MSI2: variants seen among roughly 807,000 people sequenced by gnomAD.
The protein encoded by MSI2 is RNA-binding protein Musashi homolog 2.
In MSI2, 17 loss-of-function variants were observed where a neutral mutation model predicts 45.6. That is an observed-to-expected ratio of 0.37 (90% CI 0.26 to 0.56). The LOEUF (loss-of-function observed/expected upper bound fraction) is 0.56, where lower values mean the gene tolerates loss of function less well. Among genes scored for constraint, MSI2 ranks in the 20% least tolerant of loss-of-function variants. The probability of loss-of-function intolerance (pLI) is 0.77; values close to 1 mark genes in which losing one functional copy is unlikely to be tolerated. For synonymous variants in MSI2, 156 were observed against 158.2 expected, an observed-to-expected ratio of 0.99 and a Z score of 0.11; for missense variants, 293 against 444.2, an observed-to-expected ratio of 0.66 and a Z score of 3.06.
In MSI2 at chr17:57,520,542, T is replaced by G. The variant is rs77602954; in HGVS notation, c.406-9134T>G. ...AGGTGTGGGAGCCTTCTGTGAAGAGTTCGAGAAATGTTCTTAATGCCACTG... is the reference window on the plus strand; with the variant it reads ...AGGTGTGGGAGCCTTCTGTGAAGAGGTCGAGAAATGTTCTTAATGCCACTG... On this transcript the variant is annotated intron_variant, in intron 6 of 13. Coordinates refer to ENST00000284073, the MANE Select transcript of MSI2 (RefSeq NM_138962.4). Among the ~76,000 whole-genome samples, 187 of 152,164 alleles carry G rather than the reference T, an allele frequency of 1.2e-3. 1 individual carries two copies. The highest frequency in any genetic ancestry group is 0.01 in the Middle Eastern group (3 of 294).
At position 57,684,145 on chromosome 17, in the gene MSI2, A is replaced by G. The variant is rs1913788337; in HGVS notation, c.*4628A>G. 1 of 218,434 alleles carries G rather than the reference A, an allele frequency of 4.6e-6. No individual in the cohort carries two copies. Among genetic ancestry groups the G allele is most frequent in the Admixed American group, 5.8e-5 (1 of 17,242 alleles). The allele number at this position is 218,434 out of a possible 1,614,324, so 13.5% of individuals were successfully genotyped here. A position where few individuals can be genotyped will look rare whatever the true frequency, so the allele number is the denominator to read the frequency against. ...GGAGGCTGAGAGACAAAAGTTCCAG[A>G]GCCTCCCTCGAAGGTTCTCTACTAC... On this transcript the variant is annotated 3_prime_UTR_variant, in exon 14 of 14. Coordinates refer to ENST00000284073, the MANE Select transcript of MSI2 (RefSeq NM_138962.4).
chr17:57,390,519 G>A (rs1190491439), intron 5 of MSI2, among the ~76,000 whole-genome samples: 1 of 152,194 alleles, frequency 6.6e-6, no homozygotes, highest in Admixed American at 6.5e-5. Context: ...GTCAGTGTGT[G>A]GATTAGGTAA....
intron 10 of MSI2, among the ~76,000 whole-genome samples, chr17:57,647,791 G>A (rs1487964512): frequency 1.3e-5 from 2 of 149,848 alleles, no homozygotes; most frequent in Non-Finnish European, 3.0e-5. Context: ...ACAGACATGC[G>A]CCACCACACC....
chr17:57,538,681 T>G (rs2086975197), intron 7 of MSI2, among the ~76,000 whole-genome samples: 1 of 152,232 alleles, frequency 6.6e-6, no homozygotes, highest in South Asian at 2.1e-4. Context: ...GTTTGAGTTT[T>G]GGGGACCCTA....
chr17:57,342,139 C>T (rs1051526918), intron 5 of MSI2, among the ~76,000 whole-genome samples: 4 of 152,104 alleles, frequency 2.6e-5, no homozygotes, highest in African/African-American at 7.2e-5. Context: ...AGGATGGCCC[C>T]GTAATGAGAA....
chr17:57,302,577 G>T (rs918953294), intron 5 of MSI2, among the ~76,000 whole-genome samples: 5 of 152,294 alleles, frequency 3.3e-5, no homozygotes, highest in Admixed American at 3.3e-4. Flanking sequence ...TGACACAAAT[G>T]GCTGCTTTGG....
chr17:57,632,656 C>T (rs1344946000), intron 10 of MSI2: 1 of 1,066,134 alleles, frequency 9.4e-7, no homozygotes, highest in Admixed American at 5.3e-5. Context: ...TTAGAAGGAT[C>T]TTTTCCCATG....
chr17:57,377,040 C>A (rs1192611756), intron 5 of MSI2, among the ~76,000 whole-genome samples: 3 of 152,024 alleles, frequency 2.0e-5, no homozygotes, highest in Non-Finnish European at 4.4e-5. Flanking sequence ...CCTGCCTCAG[C>A]CTCCCAAGTA....
chr17:57,598,239 A>G (rs961796558), intron 8 of MSI2, among the ~76,000 whole-genome samples: 5 of 152,116 alleles, frequency 3.3e-5, no homozygotes, highest in Admixed American at 1.3e-4. Flanking sequence ...TAACTTTAAT[A>G]TTTTCTTCCT....
chr17:57,652,165 G>A lies in MSI2; in HGVS notation c.790+4G>A, dbSNP rs759597499. On this transcript the variant is annotated splice_donor_region_variant and intron_variant, in intron 11 of 13. Transcript: ENST00000284073. This position sits in a 1 kb window ranked among gnomAD's most constrained non-coding sequence, Gnocchi z 4.1. ...GTGGCGGCAGCAAGAGGATCAGGTAGGAAGGTGTATGGGACAGGCGACTCC... is the reference window on the plus strand; with the variant it reads ...GTGGCGGCAGCAAGAGGATCAGGTAAGAAGGTGTATGGGACAGGCGACTCC... 1 of 1,613,966 alleles carries A rather than the reference G, an allele frequency of 6.2e-7. No homozygotes were observed. The highest frequency in any genetic ancestry group is 1.1e-5 in the South Asian group (1 of 91,068).
chr17:57,587,060 C>G (rs995310367), intron 7 of MSI2, among the ~76,000 whole-genome samples: 6 of 152,074 alleles, frequency 3.9e-5, no homozygotes, highest in Non-Finnish European at 8.8e-5. Flanking sequence ...CCACTGAGAC[C>G]ATGTTAGGAG....
At chr17:57,392,682 A>G (rs2083816452) in intron 5 of MSI2, among the ~76,000 whole-genome samples, 2 of 152,176 alleles carry the variant, frequency 1.3e-5, no homozygotes, top group South Asian at 4.1e-4. Flanking sequence ...AATTTTAGCA[A>G]TCGGCAACGT....
In MSI2 at chr17:57,676,983, T is replaced by G. The variant is rs997916384; in HGVS notation, c.946-4T>G. 1.3e-5 allele frequency: 21 copies of G among 1,606,572 alleles called. No homozygotes were observed. The highest frequency in any genetic ancestry group is 1.7e-5 in the Non-Finnish European group (20 of 1,173,148). On this transcript the variant is annotated splice_region_variant and splice_polypyrimidine_tract_variant and intron_variant, in intron 12 of 13. Coordinates refer to ENST00000284073, the MANE Select transcript of MSI2 (RefSeq NM_138962.4). Reference sequence around the variant, plus strand: ...TGATGACCTTAACAATTGTGCAATTTTAGGGACCTTTGATTGCAACGGCCT... The same window carrying G: ...TGATGACCTTAACAATTGTGCAATTGTAGGGACCTTTGATTGCAACGGCCT...
chr17:57,372,347 C>T (rs987989150), intron 5 of MSI2, among the ~76,000 whole-genome samples: 18 of 152,164 alleles, frequency 1.2e-4, no homozygotes, highest in African/African-American at 4.3e-4. Flanking sequence ...TGAATCAGAA[C>T]TTTCAGTGTA....
At chr17:57,618,211 C>T (rs1880448424) in intron 9 of MSI2, 1 of 151,516 alleles carries the variant, frequency 6.6e-6, no homozygotes, top group Admixed American at 6.6e-5. Flanking sequence ...TTGGTGTCCC[C>T]ACTAAATTTG....
At chr17:57,259,852 C>T (rs1907146751) in intron 4 of MSI2, 1 of 152,208 alleles carries the variant, frequency 6.6e-6, no homozygotes. Context: ...TCTGTGGTGG[C>T]TGGTGGGTCA....
At chr17:57,510,514 G>A (rs113877136) in intron 6 of MSI2, among the ~76,000 whole-genome samples, 19 of 151,828 alleles carry the variant, frequency 1.3e-4, no homozygotes, top group African/African-American at 4.1e-4. Context: ...TGCAACCTCC[G>A]CCTCCCGGGT....
chr17:57,660,088 C>T (rs1911882263), intron 11 of MSI2, among the ~76,000 whole-genome samples: 1 of 152,174 alleles, frequency 6.6e-6, no homozygotes, highest in Non-Finnish European at 1.5e-5. Context: ...CTGGAAGCTC[C>T]ATAGAAGAGT....
chr17:57,445,988 A>G (rs1844516391), intron 6 of MSI2, among the ~76,000 whole-genome samples: 1 of 152,182 alleles, frequency 6.6e-6, no homozygotes, highest in Non-Finnish European at 1.5e-5. Flanking sequence ...GGGGATACAG[A>G]GGTGAGTAAG....
Sources: gnomAD v4.1 joint callset for allele counts (sites outside exome capture counted in the v4.1 genomes callset) on GRCh38, gnomAD v4.1.1 for gene constraint, Gnocchi (gnomAD v3.1) non-coding constraint, MANE v1.5 for transcripts, NCBI Gene and HGNC (gene_info 2026-07-23, HGNC 2026-07-21) for gene names.